The following PSD3 variants were observed in gnomAD, a reference collection of about 807,000 sequenced individuals.
The protein encoded by PSD3 is PH and SEC7 domain-containing protein 3.
A neutral mutation model predicts 105.5 loss-of-function variants in PSD3; 49 were observed. The observed-to-expected ratio is 0.46, with a 90% CI of 0.37 to 0.59. The LOEUF is 0.59. Among genes scored for constraint, PSD3 ranks in the 20% least tolerant of loss-of-function variants. The pLI, the probability that PSD3 is intolerant of heterozygous loss-of-function variation, is 0.00. For missense variants in PSD3, 1,561 were observed against 1,263.8 expected, an observed-to-expected ratio of 1.24 and a Z score of -3.57; for synonymous variants, 557 against 457.8, an observed-to-expected ratio of 1.22 and a Z score of -2.77.
chr8:18,747,037 C>T (rs371555165), intron 9 of PSD3, among the ~76,000 whole-genome samples: 5 of 152,292 alleles, frequency 3.3e-5, no homozygotes, highest in South Asian at 2.1e-4. Context: ...TTTTAAATGG[C>T]GGTGTCACCT....
chr8:18,702,917 T>C (rs1801674936), intron 9 of PSD3, among the ~76,000 whole-genome samples: 1 of 152,126 alleles, frequency 6.6e-6, no homozygotes. Flanking sequence ...TGGACAGCTA[T>C]AGGTACTCTT....
chr8:18,853,154 G>A (rs1227956822), intron 4 of PSD3, among the ~76,000 whole-genome samples: 1 of 151,866 alleles, frequency 6.6e-6, no homozygotes, highest in Non-Finnish European at 1.5e-5. Context: ...TTAAAGTTAT[G>A]AAACAAAATG....
At chr8:18,867,091 A>C (rs144115674) in intron 4 of PSD3, among the ~76,000 whole-genome samples, 84 of 152,276 alleles carry the variant, frequency 5.5e-4, no homozygotes, top group African/African-American at 2.0e-3. Flanking sequence ...TAAAAATCCT[A>C]AAGTAGAGAG....
At chr8:18,581,507 C>G (rs1173784541) in intron 12 of PSD3, among the ~76,000 whole-genome samples, 1 of 152,156 alleles carries the variant, frequency 6.6e-6, no homozygotes, top group Non-Finnish European at 1.5e-5. Context: ...GACTCTGGAA[C>G]AGTTTTGAAA....
chr8:18,702,708 G>A (rs971873022), intron 9 of PSD3, among the ~76,000 whole-genome samples: 3 of 151,828 alleles, frequency 2.0e-5, no homozygotes, highest in Non-Finnish European at 4.4e-5. Flanking sequence ...CGGCTCCCGG[G>A]TTCACACCAT....
At chr8:19,039,843 A>G (rs765316955) in intron 1 of PSD3, among the ~76,000 whole-genome samples, 3 of 152,226 alleles carry the variant, frequency 2.0e-5, no homozygotes, top group Non-Finnish European at 2.9e-5. Flanking sequence ...AGTCCCCTCC[A>G]TCATGGGGCT....
At chr8:18,896,082 T>C (rs547275743) in intron 2 of PSD3, among the ~76,000 whole-genome samples, 2 of 152,364 alleles carry the variant, frequency 1.3e-5, no homozygotes, top group African/African-American at 2.4e-5. Context: ...TTTTTATGCC[T>C]GGCTTATTTT....
intron 1 of PSD3, among the ~76,000 whole-genome samples, chr8:18,986,440 T>C (rs192170720): frequency 8.5e-5 from 13 of 152,226 alleles, no homozygotes; most frequent in Non-Finnish European, 1.8e-4. Flanking sequence ...TACCCCATTT[T>C]GTATCCGAAA....
chr8:18,943,690 C>T (rs1488133777), intron 1 of PSD3, among the ~76,000 whole-genome samples: 1 of 152,124 alleles, frequency 6.6e-6, no homozygotes, highest in Non-Finnish European at 1.5e-5. Flanking sequence ...CACTGGGAGA[C>T]AGCCCCTCCC....
chr8:18,829,326 C>A (rs1489814157), intron 4 of PSD3, among the ~76,000 whole-genome samples: 1 of 152,058 alleles, frequency 6.6e-6, no homozygotes, highest in African/African-American at 2.4e-5. Context: ...ACTAAAAACT[C>A]ATTTAAAAAA....
intron 9 of PSD3, among the ~76,000 whole-genome samples, chr8:18,749,320 G>C (rs961560560): frequency 2.6e-5 from 4 of 152,142 alleles, no homozygotes; most frequent in African/African-American, 9.7e-5. Context: ...GCACCCATCG[G>C]AACTACGTTT....
intron 11 of PSD3, among the ~76,000 whole-genome samples, chr8:18,603,688 G>T (rs994087263): frequency 1.3e-5 from 2 of 152,142 alleles, no homozygotes; most frequent in Non-Finnish European, 2.9e-5. Context: ...GGAGGTGATT[G>T]GGTCATGTGG....
chr8:19,025,678 C>T (rs900759726), intron 1 of PSD3, among the ~76,000 whole-genome samples: 5 of 152,170 alleles, frequency 3.3e-5, no homozygotes, highest in African/African-American at 7.2e-5. Context: ...TTACTGTTGG[C>T]ATCTGAATTG....
At chr8:19,082,186 G>C (rs1829665801) in intron 1 of PSD3, among the ~76,000 whole-genome samples, 1 of 152,114 alleles carries the variant, frequency 6.6e-6, no homozygotes. Context: ...CCCTGGGCAG[G>C]GGTTCCCTGG....
intron 1 of PSD3, among the ~76,000 whole-genome samples, chr8:19,040,535 C>T (rs1828087101): frequency 6.6e-6 from 1 of 152,202 alleles, no homozygotes; most frequent in East Asian, 1.9e-4. Flanking sequence ...TGATGAGATA[C>T]CTTAGAGGAT....
intron 1 of PSD3, among the ~76,000 whole-genome samples, chr8:18,992,246 A>C (rs1825844299): frequency 6.6e-6 from 1 of 152,162 alleles, no homozygotes; most frequent in African/African-American, 2.4e-5. Context: ...CATTAAATCA[A>C]GGCAAGTGGG....
chr8:18,819,479 T>C (rs762571394), intron 4 of PSD3, among the ~76,000 whole-genome samples: 4 of 152,070 alleles, frequency 2.6e-5, no homozygotes, highest in African/African-American at 7.2e-5. Flanking sequence ...AAGGCAAAAG[T>C]GCTGTTTTTG....
intron 4 of PSD3, among the ~76,000 whole-genome samples, chr8:18,861,368 C>T (rs1484569633): frequency 6.6e-6 from 1 of 152,132 alleles, no homozygotes. Flanking sequence ...CCATCCTCAG[C>T]CCACTCCTCA....
chr8:18,861,619 A>C (rs1047296449), intron 4 of PSD3, among the ~76,000 whole-genome samples: 2 of 152,084 alleles, frequency 1.3e-5, no homozygotes, highest in East Asian at 3.9e-4. Context: ...TTGAACTCTC[A>C]CAATCATTTT....
Sources: gnomAD v4.1 joint callset for allele counts (sites outside exome capture counted in the v4.1 genomes callset) on GRCh38, gnomAD v4.1.1 for gene constraint, MANE v1.5 for transcripts, NCBI Gene and HGNC (gene_info 2026-07-23, HGNC 2026-07-21) for gene names.